The following RP2 variants were observed in gnomAD, a reference collection of about 807,000 sequenced individuals.
RP2 encodes protein XRP2.
RP2 carries 3 observed loss-of-function variants against 20.3 expected under a neutral mutation model. The observed-to-expected ratio is 0.15, with a 90% CI of 0.07 to 0.38. RP2 has a LOEUF of 0.38. Among genes scored for constraint, RP2 ranks in the 10% least tolerant of loss-of-function variants. RP2 has a pLI of 1.00. For missense variants in RP2, 233 were observed against 268.5 expected, an observed-to-expected ratio of 0.87 and a Z score of 0.92; for synonymous variants, 75 against 94.8, an observed-to-expected ratio of 0.79 and a Z score of 1.22.
In RP2 at chrX:46,881,733, C is replaced by T. The variant is rs1168263848; in HGVS notation, c.*1964C>T. 1 of 110,968 alleles carries T rather than the reference C, an allele frequency of 9.0e-6. No homozygotes were observed. The highest frequency in any genetic ancestry group is 3.3e-5 in the African/African-American group (1 of 30,495). 9.1% of individuals were successfully genotyped at this position (110,968 alleles called of 1,213,427 possible). On this transcript the variant is annotated 3_prime_UTR_variant, in exon 5 of 5. Transcript: ENST00000218340. ...CAGGTGATCCGTCCACCTCAGCCTC[C>T]CAAAGAGCTGGGATTACAGGTGTGA...
At chrX:46,846,636 T>A (rs1447837079) in intron 1 of RP2, among the ~76,000 whole-genome samples, 1 of 111,694 alleles carries the variant, frequency 9.0e-6, no homozygotes, top group East Asian at 2.8e-4. Context: ...GCCAAACTAT[T>A]TTTCAAAGTG....
intron 3 of RP2, among the ~76,000 whole-genome samples, chrX:46,877,171 A>T: frequency 8.9e-6 from 1 of 112,282 alleles, no homozygotes; most frequent in Non-Finnish European, 1.9e-5. Flanking sequence ...TTGCTATTTT[A>T]TCAACTATTT....
intron 3 of RP2, among the ~76,000 whole-genome samples, chrX:46,874,993 C>G (rs781805728): frequency 9.0e-6 from 1 of 111,629 alleles, no homozygotes; most frequent in African/African-American, 3.2e-5. Context: ...GAAGTTAGAT[C>G]AAAGCCTTGT....
intron 2 of RP2, among the ~76,000 whole-genome samples, chrX:46,859,032 C>G (rs958278380): frequency 9.0e-6 from 1 of 111,135 alleles, no homozygotes; most frequent in African/African-American, 3.3e-5. Context: ...CCTTAGTTTT[C>G]ATATCTGTAC....
intron 3 of RP2, among the ~76,000 whole-genome samples, chrX:46,867,103 T>C (rs1214594309): frequency 8.9e-6 from 1 of 111,797 alleles, no homozygotes. Flanking sequence ...TTTTTTTTTC[T>C]TTTGTCTTTT....
At chrX:46,845,339 A>G (rs1234654304) in intron 1 of RP2, among the ~76,000 whole-genome samples, 1 of 112,478 alleles carries the variant, frequency 8.9e-6, no homozygotes, top group Admixed American at 9.5e-5. Flanking sequence ...TTCTATAATT[A>G]TGTGGCACTA....
intron 1 of RP2, among the ~76,000 whole-genome samples, chrX:46,851,896 C>T (rs563724196): frequency 9.0e-6 from 1 of 111,273 alleles, no homozygotes. Context: ...GAAACCCCAT[C>T]TCTACTAAAA....
intron 3 of RP2, among the ~76,000 whole-genome samples, chrX:46,861,955 T>G (rs1332826558): frequency 1.8e-5 from 2 of 112,388 alleles, no homozygotes; most frequent in Admixed American, 1.9e-4. Context: ...TGGAATATTG[T>G]GAGCTAAAAA....
chrX:46,847,264 A>G, intron 1 of RP2, among the ~76,000 whole-genome samples: 1 of 110,988 alleles, frequency 9.0e-6, no homozygotes, highest in Non-Finnish European at 1.9e-5. Context: ...TATGTCCTGG[A>G]TACAAGTCCC....
intron 1 of RP2, among the ~76,000 whole-genome samples, chrX:46,849,477 C>T (rs782167054): frequency 9.0e-6 from 1 of 111,703 alleles, no homozygotes; most frequent in African/African-American, 3.2e-5. Flanking sequence ...GTCTCAAACT[C>T]CTAGTCTCAC....
In RP2 at chrX:46,864,789, T is replaced by A. The variant is rs1474511061; in HGVS notation, c.883+4687T>A. ...GATGTACCCTTGGAATGTTCCTTTT[T>A]TGATAGTTCTCCAGATTAGTCAGAC... is the stretch of plus-strand genomic sequence containing the variant. On this transcript the variant is annotated intron_variant, in intron 3 of 4. Transcript: ENST00000218340. 3.6e-5 allele frequency among the ~76,000 whole-genome samples: 4 copies of A among 112,063 alleles called. No individual in the cohort carries two copies. In the East Asian group the frequency reaches 8.4e-4, roughly 24 times the overall value.
At chrX:46,877,347 A>C (rs1356973202) in intron 3 of RP2, among the ~76,000 whole-genome samples, 158 bp from the exon 4 acceptor site, 1 of 112,213 alleles carries the variant, frequency 8.9e-6, no homozygotes, top group Non-Finnish European at 1.9e-5. Context: ...GCGTAGGAAG[A>C]AGCAGCTGAG....
At chrX:46,872,311 CTT>C (rs1312426588) in intron 3 of RP2, among the ~76,000 whole-genome samples, 55 of 112,325 alleles carry the variant, frequency 4.9e-4, no homozygotes, top group African/African-American at 1.7e-3. Flanking sequence ...AATCCAGTCT[CTT>C]TTAACTGCTG....
intron 1 of RP2, among the ~76,000 whole-genome samples, chrX:46,848,964 A>T (rs1037542001): frequency 1.8e-4 from 20 of 108,164 alleles, no homozygotes; most frequent in Non-Finnish European, 3.5e-4. Flanking sequence ...GTGGAGGTCG[A>T]GGCTGCAGTG....
intron 1 of RP2, among the ~76,000 whole-genome samples, chrX:46,848,645 A>G (rs1416751205): frequency 1.8e-5 from 2 of 108,419 alleles, no homozygotes; most frequent in Admixed American, 9.8e-5. Flanking sequence ...CGGCCTCCCA[A>G]TGTGCTGGGA....
In RP2 at chrX:46,879,891, T is replaced by A. The variant is rs1405242082; in HGVS notation, c.*122T>A. 5 of 421,941 alleles carry A rather than the reference T, an allele frequency of 1.2e-5. No individual in the cohort carries two copies. Among genetic ancestry groups the A allele is most frequent in the Non-Finnish European group, 1.6e-5 (4 of 243,190 alleles). 34.8% of individuals were successfully genotyped at this position (421,941 alleles called of 1,213,427 possible). On this transcript the variant is annotated 3_prime_UTR_variant, in exon 5 of 5. Coordinates refer to ENST00000218340, the MANE Select transcript of RP2 (RefSeq NM_006915.3). The stretch of plus-strand genomic sequence containing the variant: ...TAATGCTAAAACTTTTAAAGTTTAT[T>A]TTTTAATAAATTGTTGAGTATTACA...
At chrX:46,879,626 G>T (rs781793012) in intron 4 of RP2, 60 bp from the exon 5 acceptor site, 2 of 727,042 alleles carry the variant, frequency 2.8e-6, no homozygotes, top group Non-Finnish European at 4.3e-6. Flanking sequence ...GAGAACATGG[G>T]CTTTGGCATT....
chrX:46,853,386 T>A, intron 1 of RP2, 90 bp from the exon 2 acceptor site: 1 of 828,754 alleles, frequency 1.2e-6, no homozygotes, highest in Admixed American at 2.8e-5. Context: ...ATTTCAGCAC[T>A]AAGAACTGTG....
chrX:46,869,601 A>G (rs1257415516), intron 3 of RP2, among the ~76,000 whole-genome samples: 12 of 82,459 alleles, frequency 1.5e-4, no homozygotes, highest in Middle Eastern at 0.021. Context: ...AGGTTTTCAT[A>G]CATACTTTTT....
Sources: allele counts gnomAD v4.1 joint callset (sites outside exome capture counted in the v4.1 genomes callset), GRCh38; gene constraint gnomAD v4.1.1; transcripts MANE v1.5; gene names NCBI Gene and HGNC (gene_info 2026-07-23, HGNC 2026-07-21).